NRXN3: variants seen among roughly 807,000 people sequenced by gnomAD.
NRXN3 encodes the protein neurexin 3, also known as neurexin III.
NRXN3 carries 32 observed loss-of-function variants against 137.6 expected under a neutral mutation model. That is an observed-to-expected ratio of 0.23 (90% CI 0.18 to 0.31). NRXN3 has a LOEUF of 0.31. Ranked by LOEUF, NRXN3 falls within the 10% of genes least tolerant of loss-of-function variation. The pLI is 1.00. For missense variants in NRXN3, 1,574 were observed against 2,062.5 expected, an observed-to-expected ratio of 0.76 and a Z score of 4.59; for synonymous variants, 798 against 784.5, an observed-to-expected ratio of 1.02 and a Z score of -0.29.
intron 4 of NRXN3, among the ~76,000 whole-genome samples, chr14:78,477,738 T>C (rs1157058711): frequency 6.6e-6 from 1 of 152,350 alleles, no homozygotes; most frequent in East Asian, 1.9e-4. Context: ...TCTTAAATCC[T>C]ACTATTAATT....
intron 19 of NRXN3, among the ~76,000 whole-genome samples, chr14:79,750,509 T>G (rs1291655081): frequency 6.6e-6 from 1 of 152,190 alleles, no homozygotes; most frequent in African/African-American, 2.4e-5. Context: ...GTCTTTATGA[T>G]TCTCTATTCT....
intron 15 of NRXN3, among the ~76,000 whole-genome samples, chr14:79,153,501 T>A (rs1397161726): frequency 1.3e-5 from 2 of 151,936 alleles, no homozygotes; most frequent in African/African-American, 4.8e-5. Flanking sequence ...ACTGAATAAA[T>A]GCTTAATATG....
In NRXN3 at chr14:79,861,400, G is replaced by A; in HGVS notation, c.4152G>A (p.Trp1384Ter). The A allele has an allele frequency of 6.5e-7, 1 of 1,536,130 alleles. No individual in the cohort carries two copies. Among genetic ancestry groups the A allele is most frequent in the Non-Finnish European group, 8.7e-7 (1 of 1,146,938 alleles). Reference protein sequence around the residue: ...EGGYKAHAPKWESKDFRPNKV... With the variant: ...EGGYKAHAPK ...GCTACAAAGCACATGCGCCCAAGTGGGAATCCAAGGACTTTAGACCTAACA... is the reference window on the plus strand; with the variant it reads ...GCTACAAAGCACATGCGCCCAAGTGAGAATCCAAGGACTTTAGACCTAACA... Residue 1384 changes from tryptophan to a stop codon, truncating the protein, a stop_gained, in exon 21 of 21, where the codon TGG becomes TGA. Coordinates refer to ENST00000335750, the MANE Select transcript of NRXN3 (RefSeq NM_001330195.2). LOFTEE classifies it high-confidence loss of function. This position sits in a 1 kb window ranked among gnomAD's most constrained non-coding sequence, Gnocchi z 5.4.
chr14:78,660,469 G>A (rs1400498068), intron 6 of NRXN3, among the ~76,000 whole-genome samples: 2 of 151,940 alleles, frequency 1.3e-5, no homozygotes, highest in African/African-American at 4.8e-5. Context: ...TTTCTTCATA[G>A]GTGAGCTCCT....
intron 15 of NRXN3, among the ~76,000 whole-genome samples, chr14:79,461,379 A>G (rs17109236): frequency 0.015 from 2,326 of 152,340 alleles, 39 homozygotes; most frequent in East Asian, 0.096. Context: ...AAGAGGCATC[A>G]GATGAGACAC....
intron 8 of NRXN3, among the ~76,000 whole-genome samples, chr14:78,796,576 A>G (rs2098822616): frequency 6.6e-6 from 1 of 152,208 alleles, no homozygotes; most frequent in Admixed American, 6.5e-5. Flanking sequence ...CCAGAAGTCG[A>G]GTAGAGAGAA....
intron 1 of NRXN3, among the ~76,000 whole-genome samples, chr14:78,175,043 C>T (rs898200560): frequency 2.6e-5 from 4 of 152,164 alleles, no homozygotes; most frequent in African/African-American, 9.7e-5. Context: ...CTGAAATCAC[C>T]CTCGGCCGTG....
intron 15 of NRXN3, among the ~76,000 whole-genome samples, chr14:79,296,738 T>C (rs561861557): frequency 6.6e-6 from 1 of 152,326 alleles, no homozygotes; most frequent in East Asian, 1.9e-4. Context: ...TTAAATCTTA[T>C]AGGATGGTGC....
intron 10 of NRXN3, among the ~76,000 whole-genome samples, chr14:78,823,940 C>T (rs1290587635): frequency 1.3e-5 from 2 of 151,962 alleles, no homozygotes; most frequent in Non-Finnish European, 2.9e-5. Flanking sequence ...GTATATCCCC[C>T]ACAGGTCAGC....
intron 15 of NRXN3, among the ~76,000 whole-genome samples, chr14:79,165,638 G>A (rs1457269533): frequency 6.6e-6 from 1 of 152,000 alleles, no homozygotes; most frequent in Non-Finnish European, 1.5e-5. Context: ...CTTGAAGAGA[G>A]ATGACTGCTT....
At chr14:79,364,327 T>C (rs954304095) in intron 15 of NRXN3, among the ~76,000 whole-genome samples, 2 of 152,250 alleles carry the variant, frequency 1.3e-5, no homozygotes, top group African/African-American at 2.4e-5. Context: ...AAACCTTGTG[T>C]TCAGCCTTCA....
chr14:79,130,403 G>C (rs539503970), intron 15 of NRXN3, among the ~76,000 whole-genome samples: 51 of 152,058 alleles, frequency 3.4e-4, no homozygotes, highest in African/African-American at 1.1e-3. Context: ...GCATTTGCTT[G>C]TCTGTAACGT....
intron 10 of NRXN3, among the ~76,000 whole-genome samples, chr14:78,882,411 A>G (rs1364470173): frequency 6.6e-6 from 1 of 151,726 alleles, no homozygotes; most frequent in East Asian, 1.9e-4. Context: ...CAGGAGGGGC[A>G]CTGTACCCTA....
rs1484926588 is a variant in NRXN3, at chr14:79,143,369, CAA to C, written c.3262+155229_3262+155230del. Among the ~76,000 whole-genome samples, 7 of 152,248 alleles carry C rather than the reference CAA, an allele frequency of 4.6e-5. 1 individual carries two copies. Among genetic ancestry groups the C allele is most frequent in the African/African-American group, 1.7e-4 (7 of 41,554 alleles). On this transcript the variant is annotated intron_variant, in intron 15 of 20. Coordinates refer to ENST00000335750, the MANE Select transcript of NRXN3 (RefSeq NM_001330195.2). The stretch of plus-strand genomic sequence containing the variant: ...CAGTGCTGCAAACACTTCTAGCTGA[CAA>C]GAGAGAAAAAGAAAGTCAGTGAAAA...
At chr14:79,326,142 G>T (rs531694693) in intron 15 of NRXN3, among the ~76,000 whole-genome samples, 50 of 152,228 alleles carry the variant, frequency 3.3e-4, no homozygotes, top group African/African-American at 1.1e-3. Context: ...GTGCCACAGG[G>T]ATATGTTTTA....
chr14:78,794,626 G>C (rs2098815635), intron 8 of NRXN3, among the ~76,000 whole-genome samples: 1 of 151,494 alleles, frequency 6.6e-6, no homozygotes, highest in African/African-American at 2.4e-5. Flanking sequence ...GTGTGTGTGT[G>C]TGTGTGTGTA....
intron 19 of NRXN3, among the ~76,000 whole-genome samples, chr14:79,760,427 T>A (rs1352867767): frequency 6.6e-6 from 1 of 151,150 alleles, no homozygotes; most frequent in African/African-American, 2.5e-5. Flanking sequence ...TAACCTTTTT[T>A]TTTTTTTTTA....
chr14:78,714,694 A>G, intron 7 of NRXN3, 62 bp from the exon 8 acceptor site: 1 of 1,570,748 alleles, frequency 6.4e-7, no homozygotes, highest in African/African-American at 1.3e-5. Flanking sequence ...CTCACCTGTT[A>G]GGTTTCTTAC....
chr14:78,742,935 CA>C (rs2098586747), intron 8 of NRXN3, among the ~76,000 whole-genome samples: 1 of 152,110 alleles, frequency 6.6e-6, no homozygotes, highest in Admixed American at 6.5e-5. Context: ...TTAAACAATT[CA>C]ATAATTAAGG....
Sources: allele counts gnomAD v4.1 joint callset (sites outside exome capture counted in the v4.1 genomes callset), GRCh38; gene constraint gnomAD v4.1.1; non-coding constraint Gnocchi (gnomAD v3.1); transcripts MANE v1.5; gene names NCBI Gene and HGNC (gene_info 2026-07-23, HGNC 2026-07-21).